Variants in CCDC7 observed in about 807,000 individuals in gnomAD.
CCDC7 encodes the protein coiled-coil domain containing 7.
Under a neutral mutation model 196.9 loss-of-function variants are expected in CCDC7, and 183 were observed. The ratio of observed to expected loss-of-function variants is 0.93; its 90% CI spans 0.82 to 1.05. The LOEUF is 1.05. CCDC7 is among the 50% of genes least tolerant of loss of function. CCDC7 has a pLI of 0.00. For missense variants in CCDC7, 1,540 were observed against 1,482.2 expected (o/e 1.04, Z -0.64); for synonymous variants, 525 against 484.6 (o/e 1.08, Z -1.10).
At chr10:32,612,081 C>T (rs2138791013) in intron 18 of CCDC7, among the ~76,000 whole-genome samples, 1 of 152,146 alleles carries the variant, frequency 6.6e-6, no homozygotes, top group South Asian at 2.1e-4. Context: ...TGTTTGTGTC[C>T]ACTCTTATTT....
intron 20 of CCDC7, among the ~76,000 whole-genome samples, chr10:32,639,525 T>C (rs1229144590): frequency 6.6e-6 from 1 of 152,202 alleles, no homozygotes; most frequent in Non-Finnish European, 1.5e-5. Context: ...GAGCAGGTTG[T>C]TCAGTTTCCA....
intron 30 of CCDC7, among the ~76,000 whole-genome samples, chr10:32,806,950 C>T (rs756681977): frequency 6.6e-6 from 1 of 152,058 alleles, no homozygotes; most frequent in African/African-American, 2.4e-5. Flanking sequence ...ACTATTAGGG[C>T]CAGAAGGCAT....
intron 13 of CCDC7, among the ~76,000 whole-genome samples, chr10:32,551,319 G>A (rs1340357695): frequency 1.3e-5 from 2 of 151,782 alleles, no homozygotes; most frequent in East Asian, 1.9e-4. Flanking sequence ...GTTAATGGTC[G>A]ATCAGTTTTA....
At chr10:32,828,505 AAG>A (rs1248970073) in intron 32 of CCDC7, among the ~76,000 whole-genome samples, 3 of 136,444 alleles carry the variant, frequency 2.2e-5, no homozygotes, top group African/African-American at 8.6e-5. Flanking sequence ...GAAGAAGAAG[AAG>A]AAGAAGAAGA....
At chr10:32,638,323 ATG>A (rs1194863154) in intron 20 of CCDC7, among the ~76,000 whole-genome samples, 1 of 152,154 alleles carries the variant, frequency 6.6e-6, no homozygotes, top group East Asian at 1.9e-4. Context: ...TTCAAAGGGA[ATG>A]CTTCCAGTTT....
At position 32,692,559 on chromosome 10, in the gene CCDC7, C is replaced by T. The variant is rs535445752; in HGVS notation, c.2345-2320C>T. 1.2e-4 allele frequency among the ~76,000 whole-genome samples: 18 copies of T among 152,236 alleles called. No homozygotes were observed. In the South Asian group the frequency reaches 3.7e-3, roughly 32 times the overall value. ...CCCATCACCCTTCCACTGAGAGTGT[C>T]CTGCAGGCTCACTAGTACCTACCAA... On this transcript the variant is annotated intron_variant, in intron 23 of 41. Transcript: ENST00000639629.
At chr10:32,626,869 G>T (rs566064718) in intron 18 of CCDC7, among the ~76,000 whole-genome samples, 4 of 152,020 alleles carry the variant, frequency 2.6e-5, no homozygotes, top group East Asian at 1.9e-4. Context: ...ATATAGGCTG[G>T]GTTCATATCT....
intron 6 of CCDC7, 59 bp downstream of exon 7, chr10:32,471,289 C>T (rs1260549593): frequency 6.4e-7 from 1 of 1,552,100 alleles, no homozygotes; most frequent in East Asian, 2.3e-5. Flanking sequence ...ATATAATTAG[C>T]ACTGAATGTA....
At chr10:32,845,409 A>G in intron 34 of CCDC7, 83 bp downstream of exon 35, 1 of 1,224,438 alleles carries the variant, frequency 8.2e-7, no homozygotes, top group South Asian at 1.4e-5. Context: ...CTTTAATAAC[A>G]AAACTACCTA....
chr10:32,532,468 G>A (rs1381079612), intron 11 of CCDC7, among the ~76,000 whole-genome samples: 1 of 152,124 alleles, frequency 6.6e-6, no homozygotes, highest in Non-Finnish European at 1.5e-5. Flanking sequence ...GTCTATCCTG[G>A]AGAATGCTCC....
At chr10:32,812,908 A>T (rs1352397199) in intron 30 of CCDC7, among the ~76,000 whole-genome samples, 2 of 152,130 alleles carry the variant, frequency 1.3e-5, no homozygotes, top group East Asian at 1.9e-4. Context: ...TCCAGTTTTG[A>T]GTCGCTATAT....
At chr10:32,453,712 G>A (rs1239801663) in intron 2 of CCDC7, among the ~76,000 whole-genome samples, 1 of 152,138 alleles carries the variant, frequency 6.6e-6, no homozygotes, top group Non-Finnish European at 1.5e-5. Context: ...TTTTAGTAAA[G>A]ATATGGGGCC....
At chr10:32,877,709 T>C (rs1172659617), downstream of CCDC7, among the ~76,000 whole-genome samples, 2 of 152,128 alleles carry the variant, frequency 1.3e-5, no homozygotes, top group Non-Finnish European at 2.9e-5. Flanking sequence ...AATACTTATT[T>C]GATTAAATGA....
At chr10:32,445,200 C>T (rs1282387425), upstream of CCDC7, among the ~76,000 whole-genome samples, 2 of 152,182 alleles carry the variant, frequency 1.3e-5, no homozygotes, top group Non-Finnish European at 2.9e-5. Context: ...GAAGACAGAA[C>T]ATTTCTGGTA....
At chr10:32,875,777 T>C (rs769600716) in intron 41 of CCDC7, among the ~76,000 whole-genome samples, 1 of 152,054 alleles carries the variant, frequency 6.6e-6, no homozygotes, top group Non-Finnish European at 1.5e-5. Flanking sequence ...CTGCCTAAAA[T>C]GGACTTGCTG....
intron 24 of CCDC7, among the ~76,000 whole-genome samples, chr10:32,700,184 T>G (rs1415373025): frequency 6.7e-6 from 1 of 149,596 alleles, no homozygotes; most frequent in Non-Finnish European, 1.5e-5. Flanking sequence ...TTTTATGGTT[T>G]TAGGTCTAAC....
At chr10:32,482,457 T>C (rs1339940226) in intron 8 of CCDC7, among the ~76,000 whole-genome samples, 2 of 150,046 alleles carry the variant, frequency 1.3e-5, no homozygotes, top group Non-Finnish European at 3.0e-5. Flanking sequence ...TTTTTACTTA[T>C]CTTTTCTAAT....
intron 5 of CCDC7, among the ~76,000 whole-genome samples, chr10:32,463,891 C>G (rs903796156): frequency 2.6e-5 from 4 of 152,148 alleles, no homozygotes; most frequent in African/African-American, 9.7e-5. Context: ...GTTAGTCATT[C>G]TTTGATTATG....
At chr10:32,619,044 G>A (rs185412393) in intron 18 of CCDC7, among the ~76,000 whole-genome samples, 78 of 151,834 alleles carry the variant, frequency 5.1e-4, no homozygotes, top group Non-Finnish European at 7.4e-4. Context: ...GCTTTTGAAT[G>A]TATTTAATAT....
Sources: allele counts gnomAD v4.1 joint callset (sites outside exome capture counted in the v4.1 genomes callset), GRCh38; gene constraint gnomAD v4.1.1; transcripts MANE v1.5; gene names NCBI Gene and HGNC (gene_info 2026-07-23, HGNC 2026-07-21).